The following C13orf42 variants were observed in gnomAD, a reference collection of about 807,000 sequenced individuals.
C13orf42 encodes chromosome 13 open reading frame 42, also known as uncharacterized protein C13orf42.
intron 1 of C13orf42, among the ~76,000 whole-genome samples, chr13:51,094,695 G>A (rs1254418921): frequency 3.3e-5 from 5 of 152,088 alleles, no homozygotes; most frequent in Non-Finnish European, 7.4e-5. Context: ...GTTTTTGCTT[G>A]TCTAACAAAT....
At chr13:51,152,843 G>C (rs1200364727) in intron 1 of C13orf42, among the ~76,000 whole-genome samples, 1 of 152,144 alleles carries the variant, frequency 6.6e-6, no homozygotes, top group East Asian at 1.9e-4. Flanking sequence ...CTGGCTTAGT[G>C]ACTCAATCCC....
At chr13:51,089,283 A>G (rs920963574) in intron 1 of C13orf42, among the ~76,000 whole-genome samples, 1 of 152,206 alleles carries the variant, frequency 6.6e-6, no homozygotes, top group Admixed American at 6.5e-5. Flanking sequence ...GCAAAATATC[A>G]AAGGAAAGCT....
At chr13:51,105,466 G>C (rs1194842725) in intron 1 of C13orf42, among the ~76,000 whole-genome samples, 3 of 152,132 alleles carry the variant, frequency 2.0e-5, no homozygotes, top group Non-Finnish European at 4.4e-5. Flanking sequence ...TATTATTAAG[G>C]GCATCACTAA....
chr13:51,106,951 A>C (rs1953363569), intron 1 of C13orf42, among the ~76,000 whole-genome samples: 1 of 152,228 alleles, frequency 6.6e-6, no homozygotes, highest in Non-Finnish European at 1.5e-5. Context: ...AAAATGTTGC[A>C]AAAAGTGTAT....
intron 1 of C13orf42, among the ~76,000 whole-genome samples, chr13:51,166,113 C>T (rs1953900272): frequency 6.6e-6 from 1 of 152,120 alleles, no homozygotes; most frequent in Non-Finnish European, 1.5e-5. Context: ...CATCAGTTAT[C>T]CAAAGGGAAA....
In C13orf42 at chr13:51,111,112, A is replaced by C; in HGVS notation, c.98T>G (p.Leu33Arg). The C allele has an allele frequency of 2.5e-6, 1 of 398,584 alleles. No individual in the cohort carries two copies. The highest frequency in any genetic ancestry group is 1.3e-4 in the South Asian group (1 of 7,842). The allele number at this position is 398,584 out of a possible 1,614,324, so 24.7% of individuals were successfully genotyped here. A position where few individuals can be genotyped will look rare whatever the true frequency, so the allele number is the denominator to read the frequency against. The change falls in exon 1 of 4, where the codon CTG becomes CGG. Residue 33 changes from leucine (L) to arginine (R), a missense_variant. Physicochemically the swap from Leu to Arg is moderately radical, Grantham distance 102. Coordinates refer to ENST00000563710, the MANE Select transcript of C13orf42 (RefSeq NM_001351589.3). The stretch of plus-strand genomic sequence containing the variant: ...CACATACATGGAACTGCTTCGAATC[A>C]GCTTCACTGCGGGGCTGGCTCCTTC... Reference protein sequence around the residue: ...FYEGASPAVKLIRSSSMYVVG... With the variant: ...FYEGASPAVKRIRSSSMYVVG...
chr13:51,082,455 A>G lies in C13orf42; in HGVS notation c.*1696T>C, dbSNP rs1017825124. On this transcript the variant is annotated 3_prime_UTR_variant, in exon 4 of 4. Transcript: ENST00000563710. ...ATTTTTTCTTATCTTTAAAAACAAA[A>G]TGTACACAGTATCTTCACCACATAA... 9 of 152,230 alleles carry G rather than the reference A, an allele frequency of 5.9e-5. No individual in the cohort carries two copies. Among genetic ancestry groups the G allele is most frequent in the Admixed American group, 2.0e-4 (3 of 15,284 alleles). 9.4% of individuals were successfully genotyped at this position (152,230 alleles called of 1,614,324 possible).
chr13:51,154,466 C>A (rs147307686), intron 1 of C13orf42, among the ~76,000 whole-genome samples: 485 of 152,222 alleles, frequency 3.2e-3, no homozygotes, highest in African/African-American at 0.011. Context: ...AGTTAGGGTG[C>A]GTATGAATCA....
At chr13:51,159,169 T>C (rs1953845045) in intron 1 of C13orf42, among the ~76,000 whole-genome samples, 1 of 152,182 alleles carries the variant, frequency 6.6e-6, no homozygotes, top group Non-Finnish European at 1.5e-5. Flanking sequence ...TCAAAGCTGA[T>C]TTTCCCCACT....
intron 1 of C13orf42, among the ~76,000 whole-genome samples, chr13:51,104,248 C>T (rs1953324372): frequency 6.6e-6 from 1 of 152,072 alleles, no homozygotes; most frequent in South Asian, 2.1e-4. Context: ...AATTATTATA[C>T]ACTTATATAA....
intron 1 of C13orf42, among the ~76,000 whole-genome samples, chr13:51,093,795 T>C (rs1412004613): frequency 6.6e-6 from 1 of 152,226 alleles, no homozygotes. Context: ...TTCCAGTTCT[T>C]CAACCTTCCT....
chr13:51,113,344 C>T (rs1272504480), upstream of C13orf42: 2 of 152,240 alleles, frequency 1.3e-5, no homozygotes, highest in African/African-American at 4.8e-5. Flanking sequence ...TCAGTCACCT[C>T]CGACGCCAGT....
chr13:51,119,462 TAC>T (rs1189844357), intron 1 of C13orf42, among the ~76,000 whole-genome samples: 1 of 152,076 alleles, frequency 6.6e-6, no homozygotes, highest in Non-Finnish European at 1.5e-5. Context: ...TGCCATGGCG[TAC>T]AGAGTGAGAG....
At chr13:51,136,956 G>T (rs1953662304) in intron 1 of C13orf42, among the ~76,000 whole-genome samples, 1 of 152,214 alleles carries the variant, frequency 6.6e-6, no homozygotes, top group Non-Finnish European at 1.5e-5. Context: ...TCCTTTGAGG[G>T]CTTCTTGGGG....
At chr13:51,110,183 T>G (rs1236945615) in intron 1 of C13orf42, among the ~76,000 whole-genome samples, 1 of 152,180 alleles carries the variant, frequency 6.6e-6, no homozygotes, top group Non-Finnish European at 1.5e-5. Context: ...TTTGAAAACA[T>G]CTAGTCATGT....
chr13:51,134,501 T>G (rs528171008), intron 1 of C13orf42, among the ~76,000 whole-genome samples: 3 of 152,296 alleles, frequency 2.0e-5, no homozygotes, highest in South Asian at 4.1e-4. Context: ...CTAAATCCTT[T>G]GGGATTTATG....
intron 1 of C13orf42, among the ~76,000 whole-genome samples, chr13:51,127,326 G>A (rs1054901045): frequency 2.0e-5 from 3 of 152,202 alleles, no homozygotes; most frequent in Non-Finnish European, 2.9e-5. Flanking sequence ...TGATAGCAAC[G>A]AGGAGGTAGA....
chr13:51,107,823 C>T (rs574492999), intron 1 of C13orf42, among the ~76,000 whole-genome samples: 1 of 152,328 alleles, frequency 6.6e-6, no homozygotes, highest in African/African-American at 2.4e-5. Flanking sequence ...CACATTTTAA[C>T]AAACCACAGT....
At chr13:51,170,382 T>C (rs1953938559) in intron 1 of C13orf42, among the ~76,000 whole-genome samples, 1 of 152,178 alleles carries the variant, frequency 6.6e-6, no homozygotes, top group Non-Finnish European at 1.5e-5. Flanking sequence ...TCCTGCTCTT[T>C]GCTCCGTGAG....
Sources: gnomAD v4.1 joint callset for allele counts (sites outside exome capture counted in the v4.1 genomes callset) on GRCh38, gnomAD v4.1.1 for gene constraint, MANE v1.5 for transcripts, NCBI Gene and HGNC (gene_info 2026-07-23, HGNC 2026-07-21) for gene names.